TLK1: variants seen among roughly 807,000 people sequenced by gnomAD.
TLK1 encodes serine/threonine-protein kinase tousled-like 1.
A neutral mutation model predicts 105.3 loss-of-function variants in TLK1; 24 were observed. The observed-to-expected ratio is 0.23, with a 90% CI of 0.17 to 0.32. The LOEUF (loss-of-function observed/expected upper bound fraction) is 0.32. TLK1 is among the 10% of genes least tolerant of loss of function. The pLI is 1.00. For synonymous variants in TLK1, 321 were observed against 310.4 expected (o/e 1.03, Z -0.36); for missense variants, 558 against 910.5 (o/e 0.61, Z 4.98).
At position 170,993,689 on chromosome 2, in the gene TLK1, A is replaced by AAAAAT; in HGVS notation, c.*90_*91insATTTT. 1.0e-6 allele frequency: 1 copy of AAAAAT among 971,628 alleles called. No individual in the cohort carries two copies. The highest frequency in any genetic ancestry group is 1.4e-6 in the Non-Finnish European group (1 of 722,084). 60.2% of individuals were successfully genotyped at this position (971,628 alleles called of 1,614,324 possible). ...TGTGTAAAAAAAAAAAAAAAAAAAAAAGAAAAAGAAAACAAACACTCAAAT... is the reference window on the plus strand; with the variant it reads ...TGTGTAAAAAAAAAAAAAAAAAAAAAAAAATAGAAAAAGAAAACAAACACTCAAAT... On this transcript the variant is annotated 3_prime_UTR_variant, in exon 21 of 21. Transcript: ENST00000431350.
At chr2:171,055,220 AAC>A (rs1157203635) in intron 6 of TLK1, 48 bp from the exon 7 acceptor site, 6 of 1,135,172 alleles carry the variant, frequency 5.3e-6, no homozygotes, top group South Asian at 3.6e-5. Flanking sequence ...AAAAAAAAAA[AAC>A]ACAAAACAAA....
At chr2:171,030,990 G>A (rs1347110950) in intron 11 of TLK1, among the ~76,000 whole-genome samples, 1 of 147,832 alleles carries the variant, frequency 6.8e-6, no homozygotes, top group South Asian at 2.2e-4. Flanking sequence ...CACTTTTCAG[G>A]GCAGTGATTC....
chr2:171,105,696 A>G (rs1475764356), intron 2 of TLK1, among the ~76,000 whole-genome samples: 1 of 152,214 alleles, frequency 6.6e-6, no homozygotes, highest in Non-Finnish European at 1.5e-5. Context: ...CGAAAAAAAA[A>G]AGACAAAAAA....
In TLK1 at chr2:171,027,849, T is replaced by A. The variant is rs547653292; in HGVS notation, c.1236+490A>T. ...GTTGACACAAGATAAAGGAATGTTGTTTTAATATACTCAACATAAAAATGT... is the reference window on the plus strand; with the variant it reads ...GTTGACACAAGATAAAGGAATGTTGATTTAATATACTCAACATAAAAATGT... On this transcript the variant is annotated intron_variant, in intron 12 of 20. Coordinates refer to ENST00000431350, the MANE Select transcript of TLK1 (RefSeq NM_012290.5). Among the ~76,000 whole-genome samples the A allele has an allele frequency of 5.3e-5, 8 of 152,286 alleles. No individual in the cohort carries two copies. In the East Asian group the frequency reaches 1.5e-3, roughly 29 times the overall value.
chr2:171,109,353 G>A (rs1339049215), intron 2 of TLK1, among the ~76,000 whole-genome samples: 2 of 152,058 alleles, frequency 1.3e-5, no homozygotes, highest in Non-Finnish European at 2.9e-5. Flanking sequence ...TGTTAAAAAG[G>A]AAACAAAGGT....
chr2:171,155,295 T>G (rs945325508), intron 1 of TLK1, among the ~76,000 whole-genome samples: 3 of 152,180 alleles, frequency 2.0e-5, no homozygotes, highest in African/African-American at 7.2e-5. Flanking sequence ...CTGAAATATA[T>G]TACAACTCTA....
At chr2:171,183,448 CT>C (rs1317937687) in intron 1 of TLK1, among the ~76,000 whole-genome samples, 2 of 152,064 alleles carry the variant, frequency 1.3e-5, no homozygotes, top group Non-Finnish European at 2.9e-5. Context: ...TTATTAGTTA[CT>C]TTTATTTTTT....
chr2:171,215,869 G>T (rs1211831181), intron 1 of TLK1, among the ~76,000 whole-genome samples: 2 of 152,064 alleles, frequency 1.3e-5, no homozygotes, highest in African/African-American at 4.8e-5. Context: ...AACAATATGC[G>T]CACCACCACC....
chr2:171,146,629 T>C (rs1258294648), intron 1 of TLK1, among the ~76,000 whole-genome samples: 2 of 152,192 alleles, frequency 1.3e-5, no homozygotes, highest in Non-Finnish European at 2.9e-5. Context: ...CTTTGGGCTC[T>C]TGATAAAAAT....
At chr2:171,133,485 G>A (rs1370794430) in intron 1 of TLK1, among the ~76,000 whole-genome samples, 1 of 152,118 alleles carries the variant, frequency 6.6e-6, no homozygotes, top group Non-Finnish European at 1.5e-5. Context: ...TGTAATCCCA[G>A]CTATTCGCAA....
intron 2 of TLK1, among the ~76,000 whole-genome samples, chr2:171,100,168 T>C (rs527449479): frequency 5.5e-4 from 84 of 152,300 alleles, no homozygotes; most frequent in African/African-American, 1.8e-3. Flanking sequence ...CATCAGTCAT[T>C]AGGGAAATAC....
At chr2:171,198,541 G>C (rs550953374) in intron 1 of TLK1, among the ~76,000 whole-genome samples, 1 of 152,314 alleles carries the variant, frequency 6.6e-6, no homozygotes, top group South Asian at 2.1e-4. Flanking sequence ...GATTTGGATA[G>C]ATGTATAAAA....
At chr2:171,111,641 T>A (rs922981540) in intron 2 of TLK1, among the ~76,000 whole-genome samples, 5 of 150,422 alleles carry the variant, frequency 3.3e-5, no homozygotes, top group African/African-American at 9.8e-5. Flanking sequence ...GCCAAGACAG[T>A]TTTACGTGTC....
intron 11 of TLK1, among the ~76,000 whole-genome samples, chr2:171,033,013 G>A (rs1415096636): frequency 6.6e-6 from 1 of 152,154 alleles, no homozygotes; most frequent in Non-Finnish European, 1.5e-5. Flanking sequence ...TTCAAAACCA[G>A]CCTGGGCAAC....
rs746220089 is a variant in TLK1 at position 171,056,455 on chromosome 2, T to C, written c.549+16A>G. ...CTCCCAAAGACTACACATGAAAAACTTGAAAGATGACTTACAGATGAGGAA... is the reference window on the plus strand; with the variant it reads ...CTCCCAAAGACTACACATGAAAAACCTGAAAGATGACTTACAGATGAGGAA... On this transcript the variant is annotated intron_variant, in intron 6 of 20. Transcript: ENST00000431350. 1.4e-5 allele frequency: 23 copies of C among 1,608,884 alleles called. No individual in the cohort carries two copies. Among genetic ancestry groups the C allele is most frequent in the Non-Finnish European group, 1.9e-5 (22 of 1,177,358 alleles).
intron 14 of TLK1, among the ~76,000 whole-genome samples, chr2:171,008,055 A>G (rs1684727563): frequency 6.6e-6 from 1 of 152,198 alleles, no homozygotes. Context: ...TTTATTAGAA[A>G]GAAGGTCCCC....
chr2:171,186,842 G>A (rs1693033647), intron 1 of TLK1, among the ~76,000 whole-genome samples: 2 of 151,966 alleles, frequency 1.3e-5, no homozygotes, highest in East Asian at 3.9e-4. Context: ...GGTGGATCAC[G>A]AGGTCAGGAG....
chr2:171,048,559 T>C (rs1687068723), intron 10 of TLK1, among the ~76,000 whole-genome samples: 1 of 152,260 alleles, frequency 6.6e-6, no homozygotes, highest in Non-Finnish European at 1.5e-5. Flanking sequence ...CAACTATCAC[T>C]GTAGATATCA....
chr2:171,063,656 T>C (rs1054671862), intron 3 of TLK1, among the ~76,000 whole-genome samples: 5 of 152,200 alleles, frequency 3.3e-5, no homozygotes, highest in Non-Finnish European at 5.9e-5. Context: ...AAGTTCAAAA[T>C]GGTTCTGTAC....
Sources: allele counts gnomAD v4.1 joint callset (sites outside exome capture counted in the v4.1 genomes callset), GRCh38; gene constraint gnomAD v4.1.1; transcripts MANE v1.5; gene names NCBI Gene and HGNC (gene_info 2026-07-23, HGNC 2026-07-21).